The following MYB variants were observed in gnomAD, a reference collection of about 807,000 sequenced individuals.
MYB encodes the protein MYB proto-oncogene, transcription factor.
Under a neutral mutation model 92.9 loss-of-function variants are expected in MYB, and 28 were observed. The ratio of observed to expected loss-of-function variants is 0.30; its 90% CI spans 0.22 to 0.41. MYB has a LOEUF of 0.41. Ranked by LOEUF, MYB falls within the 10% of genes least tolerant of loss-of-function variation. MYB has a pLI of 1.00. For missense variants in MYB, 679 were observed against 929.3 expected, an observed-to-expected ratio of 0.73 and a Z score of 3.50; for synonymous variants, 295 against 329.1, an observed-to-expected ratio of 0.90 and a Z score of 1.12.
chr6:135,184,054 G>A (rs953628451), intron 1 of MYB, among the ~76,000 whole-genome samples: 1 of 152,184 alleles, frequency 6.6e-6, no homozygotes, highest in South Asian at 2.1e-4. Flanking sequence ...CGGCTGAATA[G>A]GTTGCTTGTT....
rs1384161474 is a variant in MYB at position 135,182,888 on chromosome 6, G to A, written c.23+1352G>A. Reference sequence around the variant, plus strand: ...CTCTGGGGACGAGAGGGCGACTTGGGGGAGCTCCGGGCTCCCTATGCCTAC... The same window carrying A: ...CTCTGGGGACGAGAGGGCGACTTGGAGGAGCTCCGGGCTCCCTATGCCTAC... On this transcript the variant is annotated intron_variant, in intron 1 of 15. Coordinates refer to ENST00000341911, the MANE Select transcript of MYB (RefSeq NM_001130173.2). The surrounding 1 kb of genome is among the most constrained non-coding windows in gnomAD (Gnocchi z 5.6). Among the ~76,000 whole-genome samples, 1 of 152,156 alleles carries A rather than the reference G, an allele frequency of 6.6e-6. No homozygotes were observed. The highest frequency in any genetic ancestry group is 2.4e-5 in the African/African-American group (1 of 41,448).
At chr6:135,183,097 T>C (rs1239234046) in intron 1 of MYB, among the ~76,000 whole-genome samples, 1 of 133,256 alleles carries the variant, frequency 7.5e-6, no homozygotes, top group Non-Finnish European at 1.6e-5. Context: ...CGGCAGCGGC[T>C]CCGCGCCCCG....
rs1778385661 is a variant in MYB at position 135,203,258 on chromosome 6, A to G, written c.2103A>G (p.Glu701=). ...TSSVLMAPAS[E]DEDNVLKAFT... ...CCGTTTTAATGGCACCAGCATCAGA[A>G]GATGAAGACAATGTTCTCAAAGCAT... The change falls in exon 15 of 16, where the codon GAA becomes GAG. Residue 701 remains glutamate (E), a synonymous_variant. Coordinates refer to ENST00000341911, the MANE Select transcript of MYB (RefSeq NM_001130173.2). 1 of 1,611,758 alleles carries G rather than the reference A, an allele frequency of 6.2e-7. No homozygotes were observed. The highest frequency in any genetic ancestry group is 8.5e-7 in the Non-Finnish European group (1 of 1,178,000).
At chr6:135,202,751 C>A in intron 14 of MYB, 1 of 351,764 alleles carries the variant, frequency 2.8e-6, no homozygotes, top group South Asian at 2.2e-5. Flanking sequence ...AGATTGTATA[C>A]CTAATAAGGG....
chr6:135,192,787 C>T (rs577562267), intron 6 of MYB, among the ~76,000 whole-genome samples: 1 of 152,246 alleles, frequency 6.6e-6, no homozygotes, highest in East Asian at 1.9e-4. Context: ...TGACACAGCT[C>T]ATAGAGATAG....
At chr6:135,191,257 G>T (rs747061760) in intron 5 of MYB, among the ~76,000 whole-genome samples, 1 of 152,120 alleles carries the variant, frequency 6.6e-6, no homozygotes, top group Non-Finnish European at 1.5e-5. Flanking sequence ...CTCATTATGA[G>T]GGATAACTAT....
Position 135,218,793 on chromosome 6 carries a change from A to G in MYB, c.*813A>G. ...TATACATTTTTTTTCCTTCTGCAAT[A>G]CATTTGAAAACTTGTTTGGGAGACT... On this transcript the variant is annotated 3_prime_UTR_variant, in exon 16 of 16. Transcript: ENST00000341911. 4.7e-6 allele frequency: 1 copy of G among 213,014 alleles called. No individual in the cohort carries two copies. Among genetic ancestry groups the G allele is most frequent in the Non-Finnish European group, 9.5e-6 (1 of 105,104 alleles). The allele number at this position is 213,014 out of a possible 1,614,324, so 13.2% of individuals were successfully genotyped here. A position where few individuals can be genotyped will look rare whatever the true frequency, so the allele number is the denominator to read the frequency against.
At chr6:135,215,563 G>A (rs1382644333) in intron 15 of MYB, among the ~76,000 whole-genome samples, 1 of 152,172 alleles carries the variant, frequency 6.6e-6, no homozygotes, top group Non-Finnish European at 1.5e-5. Flanking sequence ...AATTAAATGA[G>A]AGGAGTTATA....
chr6:135,185,952 G>T lies in MYB; in HGVS notation c.73G>T (p.Asp25Tyr). 6.2e-7 allele frequency: 1 copy of T among 1,614,174 alleles called. No individual in the cohort carries two copies. The highest frequency in any genetic ancestry group is 2.2e-5 in the East Asian group (1 of 44,886). ...TGAGGACTTTGAGATGTGTGACCATGACTATGATGGGCTGCTTCCCAAGTC... is the reference window on the plus strand; with the variant it reads ...TGAGGACTTTGAGATGTGTGACCATTACTATGATGGGCTGCTTCCCAAGTC... ...DDEDFEMCDH[D>Y]YDGLLPKSGK... is the part of the protein sequence containing the mutation. The change falls in exon 2 of 16, where the codon GAC becomes TAC. Residue 25 changes from aspartate (D) to tyrosine (Y), a missense_variant. Physicochemically the swap from Asp to Tyr is radical, Grantham distance 160. Around this residue, in one of 8 missense-constraint regions of MYB, gnomAD observed 88 missense variants for 145.6 expected, o/e 0.60. Coordinates refer to ENST00000341911, the MANE Select transcript of MYB (RefSeq NM_001130173.2).
At chr6:135,200,457 G>T (rs978382649) in intron 13 of MYB, 42 bp downstream of exon 13, 2 of 1,612,332 alleles carry the variant, frequency 1.2e-6, no homozygotes, top group Admixed American at 3.3e-5. Context: ...TGAGAATCCT[G>T]CCCCCTTTAT....
chr6:135,208,224 G>A (rs531820563), intron 15 of MYB, among the ~76,000 whole-genome samples: 1 of 148,720 alleles, frequency 6.7e-6, no homozygotes, highest in Non-Finnish European at 1.5e-5. Context: ...GACTACAGGC[G>A]CTTGTCACCA....
Position 135,200,207 on chromosome 6 carries a change from CT to C in MYB, c.1824+9del, listed in dbSNP as rs773935338. ...GGTCCCCTGAAGATGCTAGTAAGTT[CT>C]AGAAAAGTTTTTGGATTTCATTGGT... On this transcript the variant is annotated intron_variant, in intron 12 of 15. Transcript: ENST00000341911. The C allele has an allele frequency of 6.2e-7, 1 of 1,613,994 alleles. No individual in the cohort carries two copies. The highest frequency in any genetic ancestry group is 8.5e-7 in the Non-Finnish European group (1 of 1,179,934).
At chr6:135,201,590 T>A in intron 13 of MYB, 49 bp from the exon 14 acceptor site, 1 of 1,308,786 alleles carries the variant, frequency 7.6e-7, no homozygotes, top group Non-Finnish European at 1.1e-6. Flanking sequence ...ACTGTACATG[T>A]TTCATAGGAA....
intron 8 of MYB, chr6:135,194,790 C>A: frequency 1.5e-6 from 1 of 678,898 alleles, no homozygotes; most frequent in Non-Finnish European, 2.3e-6. Flanking sequence ...AGCTATGTAT[C>A]TATATGGTAC....
chr6:135,193,979 A>G (rs766494257), intron 7 of MYB, 61 bp downstream of exon 7: 42 of 1,321,312 alleles, frequency 3.2e-5, no homozygotes, highest in Non-Finnish European at 4.2e-5. Flanking sequence ...TATTTCTTTC[A>G]TCTAAACACA....
At position 135,206,268 on chromosome 6, in the gene MYB, C is replaced by T. The variant is rs182633598; in HGVS notation, c.2169+2944C>T. Reference sequence around the variant, plus strand: ...TAATAATTAGCTGGGTGTAGTGGTACATACCTGTAATCCTAGCTACTTGGG... The same window carrying T: ...TAATAATTAGCTGGGTGTAGTGGTATATACCTGTAATCCTAGCTACTTGGG... On this transcript the variant is annotated intron_variant, in intron 15 of 15. Transcript: ENST00000341911. Among the ~76,000 whole-genome samples the T allele has an allele frequency of 3.2e-3, 463 of 146,634 alleles. 5 individuals are homozygous for T. The highest frequency in any genetic ancestry group is 1.4e-3 in the Non-Finnish European group (91 of 66,994).
At position 135,182,996 on chromosome 6, in the gene MYB, G is replaced by C. The variant is rs944893937; in HGVS notation, c.23+1460G>C. 6.8e-6 allele frequency among the ~76,000 whole-genome samples: 1 copy of C among 148,120 alleles called. No homozygotes were observed. The highest frequency in any genetic ancestry group is 2.5e-5 in the African/African-American group (1 of 39,904). On this transcript the variant is annotated intron_variant, in intron 1 of 15. Transcript: ENST00000341911. This position sits in a 1 kb window ranked among gnomAD's most constrained non-coding sequence, Gnocchi z 5.6. ...TTTAGGACTTCACAGGACAGCTACC[G>C]GGGTCATCTGTTTTTTTTTTTTTTT...
At position 135,182,554 on chromosome 6, in the gene MYB, G is replaced by T. The variant is rs1326443086; in HGVS notation, c.23+1018G>T. On this transcript the variant is annotated intron_variant, in intron 1 of 15. Transcript: ENST00000341911. This position sits in a 1 kb window ranked among gnomAD's most constrained non-coding sequence, Gnocchi z 5.6. ...CAGGCGAAAGGTCCCTGCGCGGCGC[G>T]CACACGTGGATGCGGCTGAGGTCGC... 6.6e-6 allele frequency among the ~76,000 whole-genome samples: 1 copy of T among 151,336 alleles called. No homozygotes were observed. Among genetic ancestry groups the T allele is most frequent in the Non-Finnish European group, 1.5e-5 (1 of 67,778 alleles).
At position 135,191,615 on chromosome 6, in the gene MYB, A is replaced by G. The variant is rs549206447; in HGVS notation, c.528-709A>G. 3.3e-5 allele frequency among the ~76,000 whole-genome samples: 5 copies of G among 151,918 alleles called. No homozygotes were observed. The South Asian group carries it at 8.3e-4, about 25-fold the overall frequency. On this transcript the variant is annotated intron_variant, in intron 5 of 15. Coordinates refer to ENST00000341911, the MANE Select transcript of MYB (RefSeq NM_001130173.2). ...CTCTTTCTTTAGCATACATTCCCCC[A>G]CCCCCATTGAAATAGAAAAAGGGAG...
Sources: allele counts gnomAD v4.1 joint callset (sites outside exome capture counted in the v4.1 genomes callset), GRCh38; gene constraint gnomAD v4.1.1; regional missense constraint gnomAD v4.1.1; non-coding constraint Gnocchi (gnomAD v3.1); transcripts MANE v1.5; gene names NCBI Gene and HGNC (gene_info 2026-07-23, HGNC 2026-07-21).